Variants in SLC4A4 observed in about 807,000 individuals in gnomAD.
SLC4A4 encodes electrogenic sodium bicarbonate cotransporter 1.
Under a neutral mutation model 111.5 loss-of-function variants are expected in SLC4A4, and 27 were observed. That is an observed-to-expected ratio of 0.24 (90% CI 0.18 to 0.33). The LOEUF is 0.33. SLC4A4 is among the 10% of genes least tolerant of loss of function. The pLI, the probability that SLC4A4 is intolerant of heterozygous loss-of-function variation, is 1.00. For missense variants in SLC4A4, 909 were observed against 1,315.5 expected (o/e 0.69, Z 4.78); for synonymous variants, 443 against 463.4 (o/e 0.96, Z 0.57).
At chr4:71,480,962 G>T (rs1578006750) in intron 14 of SLC4A4, among the ~76,000 whole-genome samples, 1 of 151,734 alleles carries the variant, frequency 6.6e-6, no homozygotes, top group African/African-American at 2.4e-5. Flanking sequence ...GACAAGGTCT[G>T]CTTTCTCCAG....
At chr4:71,116,023 T>A (rs1743234620) in intron 2 of SLC4A4, among the ~76,000 whole-genome samples, 1 of 152,128 alleles carries the variant, frequency 6.6e-6, no homozygotes, top group Non-Finnish European at 1.5e-5. Context: ...GCCTCCTGAG[T>A]AGCTGGGTCT....
chr4:71,330,226 A>T (rs1418680042), intron 3 of SLC4A4, among the ~76,000 whole-genome samples: 1 of 151,960 alleles, frequency 6.6e-6, no homozygotes, highest in East Asian at 1.9e-4. Context: ...TTTTGTTGAG[A>T]ATTTTTGCAT....
chr4:71,108,736 T>C (rs1170164005), intron 2 of SLC4A4, among the ~76,000 whole-genome samples: 1 of 152,136 alleles, frequency 6.6e-6, no homozygotes, highest in African/African-American at 2.4e-5. Flanking sequence ...TTCCAACCCC[T>C]TTCTCTCTCT....
At chr4:71,073,405 C>T (rs1741718843) in intron 1 of SLC4A4, among the ~76,000 whole-genome samples, 1 of 152,036 alleles carries the variant, frequency 6.6e-6, no homozygotes, top group Non-Finnish European at 1.5e-5. Flanking sequence ...TCCTTAAAAC[C>T]ACCCTGGAGA....
intron 9 of SLC4A4, among the ~76,000 whole-genome samples, chr4:71,450,047 G>T (rs1577933165): frequency 6.6e-6 from 1 of 152,152 alleles, no homozygotes; most frequent in East Asian, 1.9e-4. Flanking sequence ...TGACTCTTCA[G>T]TATATTTCTC....
intron 16 of SLC4A4, among the ~76,000 whole-genome samples, chr4:71,500,473 C>T (rs1281855184): frequency 1.3e-5 from 2 of 151,784 alleles, no homozygotes; most frequent in Non-Finnish European, 2.9e-5. Flanking sequence ...GTCTTTAATC[C>T]CTGGCTATTT....
intron 3 of SLC4A4, among the ~76,000 whole-genome samples, chr4:71,307,976 A>G (rs1725824203): frequency 6.6e-6 from 1 of 152,036 alleles, no homozygotes; most frequent in Non-Finnish European, 1.5e-5. Context: ...TCTAAAACAC[A>G]CACCTGATTC....
At chr4:71,265,319 A>G (rs535867021) in intron 3 of SLC4A4, among the ~76,000 whole-genome samples, 74 of 152,288 alleles carry the variant, frequency 4.9e-4, no homozygotes, top group African/African-American at 1.7e-3. Flanking sequence ...AAAGAAATCA[A>G]TCAGGGCAAT....
Position 71,315,930 on chromosome 4 carries a change from C to CA in SLC4A4, c.254-23438dup, listed in dbSNP as rs562102541. Among the ~76,000 whole-genome samples, 173 of 152,212 alleles carry CA rather than the reference C, an allele frequency of 1.1e-3. 1 individual carries two copies. In the Middle Eastern group the frequency reaches 0.02, roughly 18 times the overall value. ...CACTTCCTGGGTAGTGACAGTGGTA[C>CA]AATCTTTAGCTTCACTTTGTTGCAT... On this transcript the variant is annotated intron_variant, in intron 3 of 25. Transcript: ENST00000264485.
chr4:71,150,443 A>G (rs1056919530), intron 2 of SLC4A4, among the ~76,000 whole-genome samples: 1 of 152,170 alleles, frequency 6.6e-6, no homozygotes, highest in Middle Eastern at 3.2e-3. Flanking sequence ...AAATATCCTG[A>G]TTCCCTCATG....
intron 3 of SLC4A4, among the ~76,000 whole-genome samples, chr4:71,264,566 T>C (rs1318248968): frequency 6.6e-6 from 1 of 152,124 alleles, no homozygotes; most frequent in East Asian, 1.9e-4. Context: ...CCTCAGAAAA[T>C]AGGGCAATTT....
At chr4:71,346,081 CTT>C (rs570516377) in intron 4 of SLC4A4, among the ~76,000 whole-genome samples, 1 of 150,824 alleles carries the variant, frequency 6.6e-6, no homozygotes, top group African/African-American at 2.4e-5. Flanking sequence ...AGTTAGAGGT[CTT>C]TTTTTTTCTT....
chr4:71,487,153 T>G, intron 15 of SLC4A4, 135 bp downstream of exon 15: 1 of 542,958 alleles, frequency 1.8e-6, no homozygotes, highest in Non-Finnish European at 3.3e-6. Context: ...TTATTGACAG[T>G]GGAGGGACGG....
rs1321729971 is a variant in SLC4A4, at chr4:71,115,263, C to A, written c.-2+22471C>A. Among the ~76,000 whole-genome samples, 14 of 151,020 alleles carry A rather than the reference C, an allele frequency of 9.3e-5. No individual in the cohort carries two copies. In the East Asian group the frequency reaches 2.1e-3, roughly 23 times the overall value. The stretch of plus-strand genomic sequence containing the variant: ...ATGACGAGTTAGTGGGTGCAGCACA[C>A]CAGCATGGCACATGTATACATATGT... On this transcript the variant is annotated intron_variant, in intron 2 of 26. Coordinates refer to the SLC4A4 transcript ENST00000649996.
chr4:71,310,831 A>G (rs909507204), intron 3 of SLC4A4, among the ~76,000 whole-genome samples: 7 of 152,228 alleles, frequency 4.6e-5, no homozygotes, highest in African/African-American at 1.7e-4. Context: ...CACACATAAC[A>G]ATATTAACCT....
chr4:71,371,693 G>A (rs1731899714), intron 6 of SLC4A4, among the ~76,000 whole-genome samples: 1 of 152,064 alleles, frequency 6.6e-6, no homozygotes, highest in African/African-American at 2.4e-5. Flanking sequence ...CACAATGGAA[G>A]ATTTACCATA....
intron 14 of SLC4A4, among the ~76,000 whole-genome samples, chr4:71,485,590 T>C (rs1248175479): frequency 6.6e-6 from 1 of 151,514 alleles, no homozygotes; most frequent in Non-Finnish European, 1.5e-5. Flanking sequence ...AATGCACATG[T>C]ACTTGCTTTA....
chr4:71,410,502 A>G (rs1376083866), intron 7 of SLC4A4, among the ~76,000 whole-genome samples: 3 of 152,150 alleles, frequency 2.0e-5, no homozygotes, highest in Non-Finnish European at 4.4e-5. Flanking sequence ...CCCATTTGGA[A>G]CAGCTGTATT....
chr4:71,322,628 T>TGTTCACTCTTA (rs1727202942), intron 3 of SLC4A4, among the ~76,000 whole-genome samples: 1 of 152,022 alleles, frequency 6.6e-6, no homozygotes, highest in South Asian at 2.1e-4. Flanking sequence ...AATGCTGATG[T>TGTTCACTCTTA]GTTCACTCTT....
Sources: allele counts gnomAD v4.1 joint callset (sites outside exome capture counted in the v4.1 genomes callset), GRCh38; gene constraint gnomAD v4.1.1; transcripts MANE v1.5; gene names NCBI Gene and HGNC (gene_info 2026-07-23, HGNC 2026-07-21).